Variants in RSBN1 observed in about 807,000 individuals in gnomAD.
The protein encoded by RSBN1 is round spermatid basic protein 1, also known as lysine-specific demethylase 9.
A neutral mutation model predicts 74.8 loss-of-function variants in RSBN1; 23 were observed. The ratio of observed to expected loss-of-function variants is 0.31; its 90% CI spans 0.22 to 0.44. The LOEUF is 0.44. Among genes scored for constraint, RSBN1 ranks in the 20% least tolerant of loss-of-function variants. The pLI is 1.00. For missense variants in RSBN1, 808 were observed against 1,020.9 expected (o/e 0.79, Z 2.84); for synonymous variants, 407 against 379.6 (o/e 1.07, Z -0.84).
chr1:113,766,310 G>A lies in RSBN1; in HGVS notation c.2079C>T (p.Cys693=), dbSNP rs375049710. 8.1e-6 allele frequency: 13 copies of A among 1,614,058 alleles called. No homozygotes were observed. The African/African-American group carries it at 1.6e-4, about 20-fold the overall frequency. Reference sequence around the variant, plus strand: ...TAAGCCTTATATGCCAGGCTAAGCTGCACACCGCCGAAACTGTTTTGAACT... The same window carrying A: ...TAAGCCTTATATGCCAGGCTAAGCTACACACCGCCGAAACTGTTTTGAACT... ...IHQFKTVSAV[C]SLAWHIRLKQ... The change falls in exon 7 of 7, where the codon TGC becomes TGT. Residue 693 remains cysteine, a synonymous_variant. Coordinates refer to ENST00000261441, the MANE Select transcript of RSBN1 (RefSeq NM_018364.5).
At position 113,797,899 on chromosome 1, in the gene RSBN1, C is replaced by A; in HGVS notation, c.841G>T (p.Val281Phe). Residue 281 changes from valine to phenylalanine, a missense_variant, in exon 2 of 7, where the codon GTC (valine) becomes TTC (phenylalanine). Physicochemically the swap from Val to Phe is conservative, Grantham distance 50 (BLOSUM62 -1). Transcript: ENST00000261441. ...LKMYNKEVQT[V>F]CAGLTRISKE... is the part of the protein sequence containing the mutation. ...CTGATGCGGGTCAGGCCAGCACAGA[C>A]GGTTTGTACTTCCTTATTGTACATT... is the stretch of plus-strand genomic sequence containing the variant. 3.1e-6 allele frequency: 5 copies of A among 1,612,974 alleles called. No homozygotes were observed. Among genetic ancestry groups the A allele is most frequent in the Non-Finnish European group, 4.2e-6 (5 of 1,179,854 alleles).
At position 113,767,132 on chromosome 1, in the gene RSBN1, A is replaced by G; in HGVS notation, c.1902T>C (p.Leu634=). 1 of 1,610,302 alleles carries G rather than the reference A, an allele frequency of 6.2e-7. No homozygotes were observed. Among genetic ancestry groups the G allele is most frequent in the Non-Finnish European group, 8.5e-7 (1 of 1,177,818 alleles). Reference sequence around the variant, plus strand: ...CTGGAGGTTCATGAAGATCTAACTGAAGTCTTTGTACAACATCAGTAAAAT... The same window carrying G: ...CTGGAGGTTCATGAAGATCTAACTGGAGTCTTTGTACAACATCAGTAAAAT... ...AEDFTDVVQR[L]QLDLHEPPVS... The change falls in exon 6 of 7, where the codon CTT becomes CTC. Residue 634 remains leucine (L), a synonymous_variant. Coordinates refer to ENST00000261441, the MANE Select transcript of RSBN1 (RefSeq NM_018364.5).
chr1:113,787,956 CTA>C (rs564251125), intron 2 of RSBN1, among the ~76,000 whole-genome samples: 23 of 151,104 alleles, frequency 1.5e-4, no homozygotes, highest in Non-Finnish European at 2.8e-4. Flanking sequence ...AACCAGAAGA[CTA>C]AAATAAAAAT....
chr1:113,798,656 T>C (rs904847230), intron 1 of RSBN1, among the ~76,000 whole-genome samples: 1 of 152,192 alleles, frequency 6.6e-6, no homozygotes, highest in Non-Finnish European at 1.5e-5. Flanking sequence ...AAAATATTTC[T>C]AATCCTCAGA....
chr1:113,775,223 C>T (rs1249654566), intron 4 of RSBN1, among the ~76,000 whole-genome samples: 4 of 151,928 alleles, frequency 2.6e-5, no homozygotes. Context: ...TGGGGTTTCA[C>T]CATGTTGACC....
intron 1 of RSBN1, among the ~76,000 whole-genome samples, chr1:113,806,950 C>T (rs1320294167): frequency 6.6e-6 from 1 of 151,490 alleles, no homozygotes; most frequent in Non-Finnish European, 1.5e-5. Context: ...GAGGTTGAGG[C>T]TAGAGTGAGC....
At chr1:113,805,932 T>C (rs546799431) in intron 1 of RSBN1, among the ~76,000 whole-genome samples, 3 of 152,328 alleles carry the variant, frequency 2.0e-5, no homozygotes, top group South Asian at 2.1e-4. Flanking sequence ...AAAACTACCA[T>C]AGACAATATA....
rs1172514204 is a variant in RSBN1, at chr1:113,762,815, T to G, written c.*3165A>C. On this transcript the variant is annotated 3_prime_UTR_variant, in exon 7 of 7. Transcript: ENST00000261441. Reference sequence around the variant, plus strand: ...CTAGTAAGACTGATGCAAGACATCTTTTCCTAAAGTTTAGTAAACAACTTT... The same window carrying G: ...CTAGTAAGACTGATGCAAGACATCTGTTCCTAAAGTTTAGTAAACAACTTT... The G allele has an allele frequency of 2.0e-5, 3 of 152,740 alleles. No homozygotes were observed. The highest frequency in any genetic ancestry group is 6.3e-3 in the Middle Eastern group (2 of 316). The allele number at this position is 152,740 out of a possible 1,614,324, so 9.5% of individuals were successfully genotyped here.
chr1:113,792,777 C>T (rs1275808274), intron 2 of RSBN1, among the ~76,000 whole-genome samples: 2 of 151,646 alleles, frequency 1.3e-5, no homozygotes, highest in African/African-American at 4.9e-5. Flanking sequence ...TCAGCCTGGG[C>T]CACAGAGCGA....
intron 1 of RSBN1, among the ~76,000 whole-genome samples, chr1:113,808,730 G>A (rs1660769161): frequency 6.6e-6 from 1 of 152,182 alleles, no homozygotes; most frequent in African/African-American, 2.4e-5. Context: ...CATACTGTAT[G>A]ATTCAACTTA....
At chr1:113,810,031 T>C (rs1343042585) in intron 1 of RSBN1, among the ~76,000 whole-genome samples, 1 of 152,138 alleles carries the variant, frequency 6.6e-6, no homozygotes, top group Non-Finnish European at 1.5e-5. Context: ...TTATTGCCAC[T>C]ATCCCCCATA....
At chr1:113,806,838 C>CAAAAA (rs140139729) in intron 1 of RSBN1, among the ~76,000 whole-genome samples, 12 of 78,898 alleles carry the variant, frequency 1.5e-4, no homozygotes, top group East Asian at 4.3e-4. Flanking sequence ...CTGCCTCTAT[C>CAAAAA]AAAAAAAAAA....
At chr1:113,799,116 C>T (rs1660529560) in intron 1 of RSBN1, among the ~76,000 whole-genome samples, 1 of 152,118 alleles carries the variant, frequency 6.6e-6, no homozygotes, top group South Asian at 2.1e-4. Flanking sequence ...CATTCTGATC[C>T]CATTTTTATA....
intron 2 of RSBN1, among the ~76,000 whole-genome samples, chr1:113,790,443 G>A (rs952582893): frequency 1.3e-5 from 2 of 152,144 alleles, no homozygotes; most frequent in Non-Finnish European, 2.9e-5. Context: ...TGACAAATTA[G>A]CCTTTGAGGA....
intron 4 of RSBN1, among the ~76,000 whole-genome samples, chr1:113,774,164 T>A (rs1279590417): frequency 6.6e-6 from 1 of 152,090 alleles, no homozygotes; most frequent in East Asian, 1.9e-4. Context: ...ATTTCTATGG[T>A]ATAAATACAC....
At chr1:113,773,839 C>T (rs1659930944) in intron 4 of RSBN1, among the ~76,000 whole-genome samples, 1 of 151,912 alleles carries the variant, frequency 6.6e-6, no homozygotes, top group Non-Finnish European at 1.5e-5. Flanking sequence ...CCCGTCTCTA[C>T]TAAAAATACA....
At chr1:113,798,784 T>C (rs911266050) in intron 1 of RSBN1, among the ~76,000 whole-genome samples, 1 of 152,218 alleles carries the variant, frequency 6.6e-6, no homozygotes, top group African/African-American at 2.4e-5. Flanking sequence ...AAATGTCTAA[T>C]AACAGGGGAC....
At chr1:113,789,147 T>C (rs1660316109) in intron 2 of RSBN1, among the ~76,000 whole-genome samples, 1 of 152,094 alleles carries the variant, frequency 6.6e-6, no homozygotes, top group Non-Finnish European at 1.5e-5. Flanking sequence ...ATTAGAGGGT[T>C]GGACGGTCAG....
At position 113,811,860 on chromosome 1, in the gene RSBN1, G is replaced by A; in HGVS notation, c.553C>T (p.His185Tyr). Residue 185 changes from histidine to tyrosine, a missense_variant, in exon 1 of 7, where the codon CAT (histidine) becomes TAT (tyrosine). His to Tyr is a moderately conservative substitution (Grantham distance 83, BLOSUM62 2). Around this residue, in one of 6 missense-constraint regions of RSBN1, gnomAD observed 464 missense variants for 401.0 expected, o/e 1.16. Transcript: ENST00000261441. ...TTGTGCCGCTCCTTGTGGCCCTTATGCTTGGGCCCGGCCGCGCTCACCGTC... is the reference window on the plus strand; with the variant it reads ...TTGTGCCGCTCCTTGTGGCCCTTATACTTGGGCCCGGCCGCGCTCACCGTC... The part of the protein sequence containing the change: ...PLTVSAAGPK[H>Y]KGHKERHKHH... The A allele has an allele frequency of 6.2e-7, 1 of 1,613,532 alleles. No homozygotes were observed. Among genetic ancestry groups the A allele is most frequent in the Non-Finnish European group, 8.5e-7 (1 of 1,179,886 alleles).
Sources: allele counts gnomAD v4.1 joint callset (sites outside exome capture counted in the v4.1 genomes callset), GRCh38; gene constraint gnomAD v4.1.1; regional missense constraint gnomAD v4.1.1; transcripts MANE v1.5; gene names NCBI Gene and HGNC (gene_info 2026-07-23, HGNC 2026-07-21).